Variants in IMMP2L observed in about 807,000 individuals in gnomAD.
IMMP2L encodes the protein inner mitochondrial membrane peptidase subunit 2.
In IMMP2L, 18 loss-of-function variants were observed where a neutral mutation model predicts 19.3. The ratio of observed to expected loss-of-function variants is 0.93; its 90% CI spans 0.64 to 1.38. The LOEUF is 1.38. IMMP2L is among the 40% of genes most tolerant of loss of function. The pLI is 0.00. For missense variants in IMMP2L, 233 were observed against 218.2 expected (o/e 1.07, Z -0.43); for synonymous variants, 76 against 73.0 (o/e 1.04, Z -0.21).
intron 3 of IMMP2L, among the ~76,000 whole-genome samples, chr7:111,269,659 A>C (rs71572840): frequency 1.3e-5 from 2 of 152,150 alleles, no homozygotes; most frequent in African/African-American, 2.4e-5. Context: ...TTAAAAAAAA[A>C]CAATGTTCAC....
chr7:111,157,507 T>G (rs1025703904), intron 3 of IMMP2L, among the ~76,000 whole-genome samples: 4 of 152,094 alleles, frequency 2.6e-5, no homozygotes, highest in African/African-American at 4.8e-5. Flanking sequence ...TCTTACTTAT[T>G]TGTGAGAACT....
At chr7:110,824,258 C>T (rs1021684654) in intron 5 of IMMP2L, among the ~76,000 whole-genome samples, 2 of 151,994 alleles carry the variant, frequency 1.3e-5, no homozygotes, top group African/African-American at 2.4e-5. Context: ...CCTTCTTTAG[C>T]CCCTAATCAT....
At position 110,792,470 on chromosome 7, in the gene IMMP2L, C is replaced by G. The variant is rs183222646; in HGVS notation, c.408+94123G>C. On this transcript the variant is annotated intron_variant, in intron 5 of 5. Transcript: ENST00000405709. ...TTGATAGTCACTGAGACTAAACATC[C>G]GGCTTTTCTGGCCTTTAAAAAAATT... 2.6e-3 allele frequency among the ~76,000 whole-genome samples: 391 copies of G among 152,132 alleles called. 4 individuals are homozygous for G. Among genetic ancestry groups the G allele is most frequent in the African/African-American group, 8.8e-3 (365 of 41,512 alleles).
intron 1 of IMMP2L, among the ~76,000 whole-genome samples, chr7:111,530,883 G>C (rs1051959947): frequency 6.6e-6 from 1 of 151,924 alleles, no homozygotes; most frequent in African/African-American, 2.4e-5. Context: ...CAGCCCATCT[G>C]AGATAGCAAG....
chr7:110,682,314 C>G (rs1017984528), intron 5 of IMMP2L, among the ~76,000 whole-genome samples: 1 of 152,172 alleles, frequency 6.6e-6, no homozygotes, highest in Non-Finnish European at 1.5e-5. Context: ...TTCCCAGTTT[C>G]AACAGCTTGT....
chr7:110,933,838 A>C (rs962184609), intron 4 of IMMP2L, among the ~76,000 whole-genome samples: 1 of 152,144 alleles, frequency 6.6e-6, no homozygotes, highest in Non-Finnish European at 1.5e-5. Context: ...AAGACAATAA[A>C]AAATGGAAAA....
At chr7:110,854,784 T>TA (rs1462767762) in intron 5 of IMMP2L, among the ~76,000 whole-genome samples, 2 of 152,038 alleles carry the variant, frequency 1.3e-5, no homozygotes, top group Non-Finnish European at 2.9e-5. Context: ...GAGTCTCTAA[T>TA]AACTGCTCGT....
At chr7:111,455,260 T>C in intron 3 of IMMP2L, among the ~76,000 whole-genome samples, 1 of 151,548 alleles carries the variant, frequency 6.6e-6, no homozygotes, top group Non-Finnish European at 1.5e-5. Context: ...ATTGCCCATA[T>C]ATGTGTGCTC....
In IMMP2L at chr7:111,504,911, G is replaced by A. The variant is rs1007062822; in HGVS notation, c.135+16402C>T. Among the ~76,000 whole-genome samples the A allele has an allele frequency of 2.2e-3, 336 of 151,960 alleles. 2 individuals carry two copies. The highest frequency in any genetic ancestry group is 6.3e-3 in the African/African-American group (261 of 41,476). Reference sequence around the variant, plus strand: ...CAATACCATTCAGGACATAGGCATGGGCAAGGACTTCATGTCTAAAACACC... The same window carrying A: ...CAATACCATTCAGGACATAGGCATGAGCAAGGACTTCATGTCTAAAACACC... On this transcript the variant is annotated intron_variant, in intron 2 of 5. Coordinates refer to ENST00000405709, the MANE Select transcript of IMMP2L (RefSeq NM_032549.4).
intron 3 of IMMP2L, among the ~76,000 whole-genome samples, chr7:111,011,154 C>T (rs929033509): frequency 1.3e-5 from 2 of 151,974 alleles, no homozygotes; most frequent in Non-Finnish European, 2.9e-5. Flanking sequence ...AAAGTACCCA[C>T]TAAATTTTAA....
At chr7:110,849,232 C>T (rs1256319441) in intron 5 of IMMP2L, among the ~76,000 whole-genome samples, 1 of 151,942 alleles carries the variant, frequency 6.6e-6, no homozygotes, top group Admixed American at 6.6e-5. Flanking sequence ...CCTAAAAATG[C>T]TCTAAAAATA....
intron 3 of IMMP2L, among the ~76,000 whole-genome samples, chr7:111,217,644 T>C (rs1812098387): frequency 6.6e-6 from 1 of 152,160 alleles, no homozygotes; most frequent in African/African-American, 2.4e-5. Context: ...CAATCTCCTT[T>C]ACTTTATCTT....
intron 3 of IMMP2L, among the ~76,000 whole-genome samples, chr7:111,272,931 C>T (rs79516395): frequency 6.6e-6 from 1 of 152,008 alleles, no homozygotes; most frequent in South Asian, 2.1e-4. Context: ...GAGGAGGTGA[C>T]AATGGAGTCT....
intron 5 of IMMP2L, among the ~76,000 whole-genome samples, chr7:110,829,290 C>T (rs949709453): frequency 1.3e-5 from 2 of 152,162 alleles, no homozygotes; most frequent in Admixed American, 1.3e-4. Context: ...AGAACATCAT[C>T]TCCTTTATAA....
intron 4 of IMMP2L, among the ~76,000 whole-genome samples, chr7:110,902,179 C>CA (rs1811943637): frequency 6.6e-6 from 1 of 151,510 alleles, no homozygotes; most frequent in South Asian, 2.1e-4. Flanking sequence ...CTTCTGACCT[C>CA]AAAAACCTTA....
intron 3 of IMMP2L, among the ~76,000 whole-genome samples, chr7:111,327,958 A>G (rs978901385): frequency 6.6e-6 from 1 of 151,766 alleles, no homozygotes; most frequent in Non-Finnish European, 1.5e-5. Flanking sequence ...GTAGATATAT[A>G]ATATATAAGA....
intron 3 of IMMP2L, among the ~76,000 whole-genome samples, chr7:111,389,638 T>G (rs1832138858): frequency 6.6e-6 from 1 of 152,050 alleles, no homozygotes; most frequent in Non-Finnish European, 1.5e-5. Flanking sequence ...TAATAAAATT[T>G]TAATATTGAA....
chr7:111,104,492 T>C (rs1798324113), intron 3 of IMMP2L, among the ~76,000 whole-genome samples: 1 of 151,844 alleles, frequency 6.6e-6, no homozygotes, highest in African/African-American at 2.4e-5. Context: ...ATCACTTCTA[T>C]TGAAGCTGAT....
At chr7:111,153,912 A>C (rs907851872) in intron 3 of IMMP2L, among the ~76,000 whole-genome samples, 1 of 152,116 alleles carries the variant, frequency 6.6e-6, no homozygotes, top group African/African-American at 2.4e-5. Flanking sequence ...AGTTAGATGA[A>C]GCAGAAACAA....
Sources: allele counts gnomAD v4.1 joint callset (sites outside exome capture counted in the v4.1 genomes callset), GRCh38; gene constraint gnomAD v4.1.1; transcripts MANE v1.5; gene names NCBI Gene and HGNC (gene_info 2026-07-23, HGNC 2026-07-21).